Variants in ZNF438 observed in about 807,000 individuals in gnomAD.
ZNF438 encodes zinc finger protein 438.
A neutral mutation model predicts 38.0 loss-of-function variants in ZNF438; 25 were observed. The ratio of observed to expected loss-of-function variants is 0.66; its 90% confidence interval spans 0.48 to 0.92. The LOEUF is 0.92. Among genes scored for constraint, ZNF438 ranks in the 40% least tolerant of loss-of-function variants. The pLI is 0.00. For missense variants in ZNF438, 1,007 were observed against 999.6 expected (o/e 1.01, Z -0.10); for synonymous variants, 372 against 364.1 (o/e 1.02, Z -0.25).
At position 30,930,703 on chromosome 10, in the gene ZNF438, A is replaced by T. The variant is rs904855156; in HGVS notation, c.-115+10872T>A. ...GTGCCTGTAGTCCCAGTTACTCAGG[A>T]GGCTGAGGCAGGCGAAAAGCTTGAA... On this transcript the variant is annotated intron_variant, in intron 2 of 5. Transcript: ENST00000413025. Among the ~76,000 whole-genome samples, 5 of 150,898 alleles carry T rather than the reference A, an allele frequency of 3.3e-5. No homozygotes were observed. The South Asian group carries it at 1.1e-3, about 32-fold the overall frequency.
At chr10:30,996,340 TC>T (rs1473079962) in intron 1 of ZNF438, among the ~76,000 whole-genome samples, 39 of 151,662 alleles carry the variant, frequency 2.6e-4, no homozygotes, top group Admixed American at 2.6e-3. Context: ...AGAACAAAGA[TC>T]CCAACTATAT....
intron 1 of ZNF438, among the ~76,000 whole-genome samples, chr10:30,942,216 T>C (rs1217522001): frequency 1.3e-5 from 2 of 152,162 alleles, no homozygotes; most frequent in Non-Finnish European, 2.9e-5. Context: ...GGGAGATCGA[T>C]AAGGACTAGG....
exon 5 of ZNF438, chr10:30,849,415 G>A (rs760372643): frequency 5.6e-5 from 90 of 1,614,042 alleles, no homozygotes; most frequent in Admixed American, 5.2e-4. Context: ...CTGTGGTGGA[G>A]GGTATCTTAT....
At chr10:30,985,869 A>G (rs1339671982) in intron 1 of ZNF438, among the ~76,000 whole-genome samples, 1 of 152,188 alleles carries the variant, frequency 6.6e-6, no homozygotes, top group African/African-American at 2.4e-5. Context: ...CTGTTTCAAG[A>G]TACCTTATTA....
At chr10:30,938,077 T>A (rs2046433737) in intron 2 of ZNF438, among the ~76,000 whole-genome samples, 1 of 152,154 alleles carries the variant, frequency 6.6e-6, no homozygotes, top group Non-Finnish European at 1.5e-5. Flanking sequence ...ATCTAGGGAC[T>A]TAATATCTTT....
intron 2 of ZNF438, among the ~76,000 whole-genome samples, chr10:30,940,672 A>T (rs1220824248): frequency 1.3e-5 from 2 of 152,350 alleles, no homozygotes; most frequent in Non-Finnish European, 1.5e-5. Context: ...GCGTTTTAAA[A>T]TTACTAAAAG....
At chr10:30,938,402 A>C (rs569557689) in intron 2 of ZNF438, among the ~76,000 whole-genome samples, 1 of 152,014 alleles carries the variant, frequency 6.6e-6, no homozygotes, top group Admixed American at 6.5e-5. Context: ...CAGCCTCCCA[A>C]GTAGCTGGGA....
At position 30,903,104 on chromosome 10, in the gene ZNF438, G is replaced by A. The variant is rs549899947; in HGVS notation, c.-32+5829C>T. ...GCCAGCCGCTCCCAGTGCGGGGCCC[G>A]CCAAGCCCACGCCCACCCGGAACTC... On this transcript the variant is annotated intron_variant, in intron 3 of 5. Coordinates refer to ENST00000413025, the Ensembl canonical transcript of ZNF438. 2.2e-4 allele frequency among the ~76,000 whole-genome samples: 33 copies of A among 152,262 alleles called. No individual in the cohort carries two copies. The South Asian group carries it at 3.3e-3, about 15-fold the overall frequency.
intron 1 of ZNF438, among the ~76,000 whole-genome samples, chr10:30,957,065 C>G (rs2135948663): frequency 6.6e-6 from 1 of 152,230 alleles, no homozygotes; most frequent in Middle Eastern, 3.4e-3. Context: ...TTGTTATTGT[C>G]TTTTTGGTAA....
At chr10:30,927,850 CTT>C (rs2045143458) in intron 2 of ZNF438, among the ~76,000 whole-genome samples, 1 of 148,696 alleles carries the variant, frequency 6.7e-6, no homozygotes, top group African/African-American at 2.5e-5. Context: ...TTAATTCTAA[CTT>C]AAAATTCTTG....
At chr10:30,884,425 C>G (rs1414879179) in intron 3 of ZNF438, among the ~76,000 whole-genome samples, 3 of 152,088 alleles carry the variant, frequency 2.0e-5, no homozygotes, top group Non-Finnish European at 4.4e-5. Context: ...TAAAATCTAA[C>G]AGTATTTAAT....
rs538107393 is a variant in ZNF438 at position 30,885,508 on chromosome 10, C to T, written c.-31-8443G>A. Among the ~76,000 whole-genome samples the T allele has an allele frequency of 2.0e-5, 3 of 152,300 alleles. No individual in the cohort carries two copies. In the South Asian group the frequency reaches 6.2e-4, roughly 32 times the overall value. On this transcript the variant is annotated intron_variant, in intron 3 of 5. Transcript: ENST00000413025. ...CTAGGTAATTCACAAATACCTCATCCACATATGAGGATCTGCACTGTTATC... is the reference window on the plus strand; with the variant it reads ...CTAGGTAATTCACAAATACCTCATCTACATATGAGGATCTGCACTGTTATC...
chr10:30,985,706 T>C (rs1564797336), intron 1 of ZNF438, among the ~76,000 whole-genome samples: 1 of 152,194 alleles, frequency 6.6e-6, no homozygotes, highest in East Asian at 1.9e-4. Flanking sequence ...TCACAGTAGT[T>C]AAGTTCTATG....
At chr10:30,860,227 G>C (rs899934020) in intron 4 of ZNF438, among the ~76,000 whole-genome samples, 2 of 152,216 alleles carry the variant, frequency 1.3e-5, no homozygotes, top group Non-Finnish European at 2.9e-5. Flanking sequence ...GTTCCACAGA[G>C]AGGTCAATAG....
chr10:30,987,010 T>C (rs1381752655), intron 1 of ZNF438, among the ~76,000 whole-genome samples: 1 of 152,200 alleles, frequency 6.6e-6, no homozygotes, highest in East Asian at 1.9e-4. Flanking sequence ...GACTTGGCTG[T>C]GGTTCACATA....
chr10:30,917,061 A>G (rs567529226), intron 2 of ZNF438, among the ~76,000 whole-genome samples: 1 of 152,162 alleles, frequency 6.6e-6, no homozygotes, highest in East Asian at 1.9e-4. Context: ...TTTTTTACAA[A>G]TGCATATACC....
At chr10:30,924,822 CA>C (rs745823537) in intron 2 of ZNF438, among the ~76,000 whole-genome samples, 1 of 151,736 alleles carries the variant, frequency 6.6e-6, no homozygotes, top group Non-Finnish European at 1.5e-5. Context: ...TTAGATCCTG[CA>C]ATGAAAAGAA....
At chr10:30,908,746 G>A (rs181361729) in intron 3 of ZNF438, among the ~76,000 whole-genome samples, 187 bp downstream of exon 4, 19 of 152,178 alleles carry the variant, frequency 1.2e-4, no homozygotes, top group Admixed American at 8.5e-4. Context: ...CTGTACAAGC[G>A]CTTTCTGAAA....
At chr10:31,032,361 G>C (rs941299761), upstream of ZNF438, among the ~76,000 whole-genome samples, 1 of 152,056 alleles carries the variant, frequency 6.6e-6, no homozygotes, top group Non-Finnish European at 1.5e-5. Context: ...AGCTCTCCCA[G>C]GGTCCCTCGC....
Sources: allele counts gnomAD v4.1 joint callset (sites outside exome capture counted in the v4.1 genomes callset), GRCh38; gene constraint gnomAD v4.1.1; transcripts MANE v1.5; gene names NCBI Gene and HGNC (gene_info 2026-07-23, HGNC 2026-07-21).